RELN: variants seen among roughly 807,000 people sequenced by gnomAD.
RELN encodes the protein reelin.
Under a neutral mutation model 427.6 loss-of-function variants are expected in RELN, and 108 were observed. The observed-to-expected ratio is 0.25, with a 90% CI of 0.22 to 0.30. The LOEUF (loss-of-function observed/expected upper bound fraction) is 0.30, where lower values mean the gene tolerates loss of function less well. Among genes scored for constraint, RELN ranks in the 10% least tolerant of loss-of-function variants. The pLI, the probability that RELN is intolerant of heterozygous loss-of-function variation, is 1.00. For missense variants in RELN, 3,715 were observed against 4,302.8 expected, an observed-to-expected ratio of 0.86 and a Z score of 3.82; for synonymous variants, 1,524 against 1,513.4, an observed-to-expected ratio of 1.01 and a Z score of -0.16.
chr7:103,858,549 C>T (rs1793999080), intron 2 of RELN, among the ~76,000 whole-genome samples: 1 of 152,080 alleles, frequency 6.6e-6, no homozygotes, highest in Non-Finnish European at 1.5e-5. Context: ...AGAGGCTTTG[C>T]TTTTGTTTTG....
intron 50 of RELN, chr7:103,513,188 G>C (rs565280722): frequency 1.4e-4 from 21 of 152,260 alleles, no homozygotes; most frequent in South Asian, 4.2e-4. Context: ...TGATGAAAGA[G>C]GGCTTGCATT....
intron 1 of RELN, among the ~76,000 whole-genome samples, chr7:103,942,336 T>C (rs1177240603): frequency 1.3e-5 from 2 of 152,208 alleles, no homozygotes; most frequent in Non-Finnish European, 2.9e-5. Context: ...TTCTATTCTC[T>C]GCTTCTGTGA....
At chr7:103,547,079 G>C (rs556960927) in intron 41 of RELN, among the ~76,000 whole-genome samples, 1 of 152,274 alleles carries the variant, frequency 6.6e-6, no homozygotes, top group African/African-American at 2.4e-5. Context: ...TTTTAGAATG[G>C]CAGGATGCAG....
rs766354103 is a variant in RELN, at chr7:103,553,648, C to A, written c.5969+12G>T. On this transcript the variant is annotated intron_variant, in intron 39 of 64. Coordinates refer to ENST00000428762, the MANE Select transcript of RELN (RefSeq NM_005045.4). ...ACAGCAGTGGTTTTATTTTTAGATT[C>A]TTAATACTTACGGTGCCCCCTTTGA... 5.0e-6 allele frequency: 8 copies of A among 1,613,800 alleles called. No individual in the cohort carries two copies. The South Asian group carries it at 8.8e-5, about 18-fold the overall frequency.
chr7:103,886,278 A>G (rs1258465365), intron 2 of RELN, among the ~76,000 whole-genome samples: 1 of 152,240 alleles, frequency 6.6e-6, no homozygotes, highest in Non-Finnish European at 1.5e-5. Flanking sequence ...TAGAGAACTC[A>G]TTATTCATAT....
At chr7:103,948,788 C>A (rs535661788) in intron 1 of RELN, among the ~76,000 whole-genome samples, 13 of 152,062 alleles carry the variant, frequency 8.5e-5, no homozygotes, top group African/African-American at 3.1e-4. Context: ...CCTGGGTGGG[C>A]AGATCACTTA....
At chr7:103,830,676 T>C (rs1295064498) in intron 3 of RELN, among the ~76,000 whole-genome samples, 2 of 152,116 alleles carry the variant, frequency 1.3e-5, no homozygotes, top group East Asian at 3.9e-4. Context: ...GGTAAAAAAT[T>C]GCAAGAATTT....
rs146419293 is a variant in RELN at position 103,788,177 on chromosome 7, T to C, written c.474-11550A>G. On this transcript the variant is annotated intron_variant, in intron 3 of 64. Transcript: ENST00000428762. ...AAACACTCAATAAACTAGGTATTGA[T>C]GGAATGTATCTCAAAATAATAAGAG... is the stretch of plus-strand genomic sequence containing the variant. 1.6e-3 allele frequency among the ~76,000 whole-genome samples: 240 copies of C among 152,304 alleles called. 1 individual carries two copies. Among genetic ancestry groups the C allele is most frequent in the Non-Finnish European group, 2.9e-3 (197 of 68,030 alleles).
rs143856038 is a variant in RELN at position 103,474,358 on chromosome 7, T to C, written c.10287-1450A>G. On this transcript the variant is annotated intron_variant, in intron 64 of 64. Coordinates refer to ENST00000428762, the MANE Select transcript of RELN (RefSeq NM_005045.4). ...AACATCCCCTGCTAGATTTCAATAA[T>C]ATCAAAATGCTAGAAACAATAAAAT... 2.3e-3 allele frequency among the ~76,000 whole-genome samples: 350 copies of C among 152,236 alleles called. 1 individual carries two copies. The highest frequency in any genetic ancestry group is 0.021 in the South Asian group (100 of 4,828).
chr7:103,852,859 T>C (rs147037411), intron 2 of RELN, among the ~76,000 whole-genome samples: 4,041 of 152,204 alleles, frequency 0.027, 77 homozygotes, highest in Non-Finnish European at 0.041. Context: ...ATTCTGATGA[T>C]AAAATATATT....
chr7:103,480,950 T>C (rs1020980832), intron 63 of RELN, among the ~76,000 whole-genome samples: 9 of 152,182 alleles, frequency 5.9e-5, no homozygotes, highest in African/African-American at 9.7e-5. Context: ...ATTTAAAATA[T>C]GGAGCTTGAT....
At chr7:103,919,589 G>C (rs551586602) in intron 1 of RELN, among the ~76,000 whole-genome samples, 1 of 152,172 alleles carries the variant, frequency 6.6e-6, no homozygotes, top group South Asian at 2.1e-4. Context: ...ACCTAAAAGG[G>C]AGAACCCTTT....
At chr7:103,805,719 T>G (rs1424779855) in intron 3 of RELN, among the ~76,000 whole-genome samples, 1 of 152,234 alleles carries the variant, frequency 6.6e-6, no homozygotes, top group African/African-American at 2.4e-5. Flanking sequence ...CTTATCAAAA[T>G]GTGCTACAAT....
rs141954110 is a variant in RELN, at chr7:103,938,046, C to T, written c.227-20861G>A. The stretch of plus-strand genomic sequence containing the variant: ...AGAAAAACCCTAGTTCCTGGCCGGG[C>T]GTGGTGGCTCATGCCTGTAATCCCA... On this transcript the variant is annotated intron_variant, in intron 1 of 64. Coordinates refer to ENST00000428762, the MANE Select transcript of RELN (RefSeq NM_005045.4). Among the ~76,000 whole-genome samples the T allele has an allele frequency of 6.9e-3, 1,052 of 152,238 alleles. 12 individuals carry two copies. The highest frequency in any genetic ancestry group is 0.024 in the African/African-American group (1,010 of 41,528).
At chr7:103,490,328 GC>G (rs35858697) in intron 59 of RELN, among the ~76,000 whole-genome samples, 20,677 of 152,144 alleles carry the variant, frequency 0.14, 1,756 homozygotes, top group East Asian at 0.29. Flanking sequence ...CTTTGGGAAG[GC>G]AGAACACTGG....
intron 3 of RELN, among the ~76,000 whole-genome samples, chr7:103,777,450 A>T (rs1018100576): frequency 8.5e-5 from 13 of 152,358 alleles, no homozygotes; most frequent in African/African-American, 2.9e-4. Flanking sequence ...TAACAAAAAA[A>T]TTAGCATGAA....
At position 103,711,152 on chromosome 7, in the gene RELN, T is replaced by C. The variant is rs73410862; in HGVS notation, c.806-10146A>G. Among the ~76,000 whole-genome samples, 262 of 152,382 alleles carry C rather than the reference T, an allele frequency of 1.7e-3. 1 individual carries two copies. Among genetic ancestry groups the C allele is most frequent in the African/African-American group, 6.1e-3 (254 of 41,592 alleles). ...TCAGGGAGTTAACAAAAATGTTGTA[T>C]TTCTTGATTTTGTGATGTTTGTGGT... On this transcript the variant is annotated intron_variant, in intron 8 of 64. Transcript: ENST00000428762.
At chr7:103,498,343 A>G in intron 53 of RELN, 91 bp from the exon 54 acceptor site, 1 of 1,086,734 alleles carries the variant, frequency 9.2e-7, no homozygotes, top group Non-Finnish European at 1.4e-6. Context: ...TCTTGGACTT[A>G]AAAAAAATAG....
At chr7:103,722,131 T>C (rs1433712391) in intron 8 of RELN, among the ~76,000 whole-genome samples, 2 of 152,128 alleles carry the variant, frequency 1.3e-5, no homozygotes, top group East Asian at 3.9e-4. Flanking sequence ...TAACCCAAAA[T>C]GTAATCAGGT....
Sources: allele counts gnomAD v4.1 joint callset (sites outside exome capture counted in the v4.1 genomes callset), GRCh38; gene constraint gnomAD v4.1.1; transcripts MANE v1.5; gene names NCBI Gene and HGNC (gene_info 2026-07-23, HGNC 2026-07-21).